Variants in CDK5R1 observed in about 807,000 individuals in gnomAD.
CDK5R1 encodes cyclin-dependent kinase 5 activator 1.
In CDK5R1, 1 loss-of-function variant was observed where a neutral mutation model predicts 19.0. The ratio of observed to expected loss-of-function variants is 0.05; its 90% CI spans 0.02 to 0.25. The LOEUF is 0.25. CDK5R1 is among the 10% of genes least tolerant of loss of function. The pLI is 1.00. For missense variants in CDK5R1, 314 were observed against 401.0 expected, an observed-to-expected ratio of 0.78 and a Z score of 1.85; for synonymous variants, 225 against 187.7, an observed-to-expected ratio of 1.20 and a Z score of -1.62.
chr17:32,489,340 T>C lies in CDK5R1; in HGVS notation c.*796T>C. On this transcript the variant is annotated 3_prime_UTR_variant, in exon 2 of 2. Transcript: ENST00000313401. ...TGAGTTTTTCTTTTGAATAATGTAGTGCAGTCACCCTGTGGCAAATGCCAG... is the reference window on the plus strand; with the variant it reads ...TGAGTTTTTCTTTTGAATAATGTAGCGCAGTCACCCTGTGGCAAATGCCAG... 1 of 466,532 alleles carries C rather than the reference T, an allele frequency of 2.1e-6. No homozygotes were observed. The highest frequency in any genetic ancestry group is 1.6e-5 in the South Asian group (1 of 64,436). 28.9% of individuals were successfully genotyped at this position (466,532 alleles called of 1,614,324 possible). A position where few individuals can be genotyped will look rare whatever the true frequency, so the allele number is the denominator to read the frequency against.
chr17:32,488,156 G>A lies in CDK5R1; in HGVS notation c.536G>A (p.Arg179His). Reference protein sequence around the residue: ...LSPTDPVLWLRSVDRSLLLQG... With the variant: ...LSPTDPVLWLHSVDRSLLLQG... ...CCCACGGACCCCGTGCTCTGGCTGC[G>A]CAGCGTGGACCGCTCGCTGCTTCTG... The change falls in exon 2 of 2, where the codon CGC becomes CAC. Residue 179 changes from arginine (R) to histidine (H), a missense_variant. This residue lies in a region of CDK5R1 where 11 missense variants were observed against 38.8 expected (regional missense o/e 0.28). Coordinates refer to ENST00000313401, the MANE Select transcript of CDK5R1 (RefSeq NM_003885.3). The A allele has an allele frequency of 1.2e-6, 2 of 1,613,708 alleles. No homozygotes were observed. Among genetic ancestry groups the A allele is most frequent in the Non-Finnish European group, 8.5e-7 (1 of 1,180,030 alleles).
At position 32,487,156 on chromosome 17, in the gene CDK5R1, C is replaced by T. The variant is rs1294286122; in HGVS notation, c.-152C>T. ...GGGCGCGGAGCGCAGGAGCTGCCGC[C>T]TGCCGGGTAAGCCTGCGCTGGGCGG... On this transcript the variant is annotated 5_prime_UTR_variant, in exon 1 of 2. Coordinates refer to ENST00000313401, the MANE Select transcript of CDK5R1 (RefSeq NM_003885.3). This position sits in a 1 kb window ranked among gnomAD's most constrained non-coding sequence, Gnocchi z 7.9. 1 of 146,850 alleles carries T rather than the reference C, an allele frequency of 6.8e-6. No individual in the cohort carries two copies. The highest frequency in any genetic ancestry group is 1.5e-5 in the Non-Finnish European group (1 of 66,004). 9.1% of individuals were successfully genotyped at this position (146,850 alleles called of 1,614,324 possible).
In CDK5R1 at chr17:32,487,785, C is replaced by T. The variant is rs373204830; in HGVS notation, c.165C>T (p.Ile55=). 6.2e-7 allele frequency: 1 copy of T among 1,614,132 alleles called. No homozygotes were observed. Among genetic ancestry groups the T allele is most frequent in the Non-Finnish European group, 8.5e-7 (1 of 1,180,012 alleles). The change falls in exon 2 of 2, where the codon ATC becomes ATT. Residue 55 remains isoleucine, a synonymous_variant. Coordinates refer to ENST00000313401, the MANE Select transcript of CDK5R1 (RefSeq NM_003885.3). This position sits in a 1 kb window ranked among gnomAD's most constrained non-coding sequence, Gnocchi z 7.9. ...SIISVLPWKR[I]VAVSAKKKNS... ...TCTCCGTGCTGCCTTGGAAGAGAAT[C>T]GTGGCCGTGTCGGCCAAGAAGAAGA... is the stretch of plus-strand genomic sequence containing the variant.
In CDK5R1 at chr17:32,487,982, G is replaced by T. The variant is rs761412436; in HGVS notation, c.362G>T (p.Gly121Val). 2 of 1,613,156 alleles carry T rather than the reference G, an allele frequency of 1.2e-6. No homozygotes were observed. The highest frequency in any genetic ancestry group is 2.2e-5 in the East Asian group (1 of 44,880). ...CAGCTCTCGGGTTCCCAGACCGGGG[G>T]CTCCTCCTCAGTCAAGAAAGCCCCT... ...ASQLSGSQTG[G>V]SSSVKKAPHP... The change falls in exon 2 of 2, where the codon GGC becomes GTC. Residue 121 changes from glycine to valine, a missense_variant. Around this residue, in one of 3 missense-constraint regions of CDK5R1, gnomAD observed 197 missense variants for 230.2 expected, o/e 0.86. Transcript: ENST00000313401. This position sits in a 1 kb window ranked among gnomAD's most constrained non-coding sequence, Gnocchi z 7.9.
At position 32,487,611 on chromosome 17, in the gene CDK5R1, C is replaced by A; in HGVS notation, c.-10C>A. 6.2e-7 allele frequency: 1 copy of A among 1,607,904 alleles called. No individual in the cohort carries two copies. Among genetic ancestry groups the A allele is most frequent in the South Asian group, 1.1e-5 (1 of 90,730 alleles). Reference sequence around the variant, plus strand: ...GGGGCGCGAGCCCCCGCCCGGCGCGCAGCAGCACCATGGGCACGGTGCTGT... The same window carrying A: ...GGGGCGCGAGCCCCCGCCCGGCGCGAAGCAGCACCATGGGCACGGTGCTGT... On this transcript the variant is annotated 5_prime_UTR_variant, in exon 2 of 2. Coordinates refer to ENST00000313401, the MANE Select transcript of CDK5R1 (RefSeq NM_003885.3). The surrounding 1 kb of genome is among the most constrained non-coding windows in gnomAD (Gnocchi z 7.9).
At position 32,488,352 on chromosome 17, in the gene CDK5R1, G is replaced by T. The variant is rs745590491; in HGVS notation, c.732G>T (p.Pro244=). The T allele has an allele frequency of 6.2e-7, 1 of 1,614,046 alleles. No homozygotes were observed. Among genetic ancestry groups the T allele is most frequent in the Non-Finnish European group, 8.5e-7 (1 of 1,180,006 alleles). Residue 244 remains proline, a synonymous_variant, in exon 2 of 2, where the codon CCG becomes CCT. Transcript: ENST00000313401. ...ACATGGGCAACGAGATCTCCTACCC[G>T]CTCAAGCCCTTCCTGGTGGAGAGCT... ...YSYMGNEISY[P]LKPFLVESCK...
In CDK5R1 at chr17:32,487,932, C is replaced by T; in HGVS notation, c.312C>T (p.Ala104=). The change falls in exon 2 of 2, where the codon GCC becomes GCT. Residue 104 remains alanine (A), a synonymous_variant. Coordinates refer to ENST00000313401, the MANE Select transcript of CDK5R1 (RefSeq NM_003885.3). This position sits in a 1 kb window ranked among gnomAD's most constrained non-coding sequence, Gnocchi z 7.9. ...CCACATTCGCCCAGCCCCCACCGGC[C>T]CAGCCGCCTGCACCCCCGGCCAGCC... The part of the protein sequence containing the change: ...NLSTFAQPPP[A]QPPAPPASQL... The T allele has an allele frequency of 1.2e-6, 2 of 1,613,542 alleles. No individual in the cohort carries two copies. Among genetic ancestry groups the T allele is most frequent in the South Asian group, 1.1e-5 (1 of 91,088 alleles).
In CDK5R1 at chr17:32,488,011, C is replaced by T; in HGVS notation, c.391C>T (p.Pro131Ser). The change falls in exon 2 of 2, where the codon CCT (proline) becomes TCT (serine). Residue 131 changes from proline to serine, a missense_variant. This residue lies in a region of CDK5R1 where 197 missense variants were observed against 230.2 expected (regional missense o/e 0.86). Transcript: ENST00000313401. ...CTCCTCAGTCAAGAAAGCCCCTCACCCTGCCGTCACCTCCGCAGGGACGCC... is the reference window on the plus strand; with the variant it reads ...CTCCTCAGTCAAGAAAGCCCCTCACTCTGCCGTCACCTCCGCAGGGACGCC... ...GSSSVKKAPH[P>S]AVTSAGTPKR... 1 of 1,613,100 alleles carries T rather than the reference C, an allele frequency of 6.2e-7. No individual in the cohort carries two copies. The highest frequency in any genetic ancestry group is 8.5e-7 in the Non-Finnish European group (1 of 1,179,754).
At position 32,487,828 on chromosome 17, in the gene CDK5R1, C is replaced by G; in HGVS notation, c.208C>G (p.Pro70Ala). The G allele has an allele frequency of 6.2e-7, 1 of 1,614,130 alleles. No individual in the cohort carries two copies. The highest frequency in any genetic ancestry group is 8.5e-7 in the Non-Finnish European group (1 of 1,180,018). ...AKKKNSKKVQ[P>A]NSSYQNNITH... ...GAAGAAGAACTCCAAGAAGGTGCAG[C>G]CCAACAGCAGCTACCAGAACAACAT... Residue 70 changes from proline (P) to alanine (A), a missense_variant, in exon 2 of 2, where the codon CCC becomes GCC. Coordinates refer to ENST00000313401, the MANE Select transcript of CDK5R1 (RefSeq NM_003885.3). The surrounding 1 kb of genome is among the most constrained non-coding windows in gnomAD (Gnocchi z 7.9).
chr17:32,487,359 G>C lies in CDK5R1; in HGVS notation c.-145-117G>C, dbSNP rs887473162. The C allele has an allele frequency of 5.9e-6, 1 of 169,670 alleles. No individual in the cohort carries two copies. The highest frequency in any genetic ancestry group is 1.2e-5 in the Non-Finnish European group (1 of 80,370). The allele number at this position is 169,670 out of a possible 1,614,324, so 10.5% of individuals were successfully genotyped here. A position where few individuals can be genotyped will look rare whatever the true frequency, so the allele number is the denominator to read the frequency against. Reference sequence around the variant, plus strand: ...CGGCGAGGCTGCGTCGCGGGGGCGCGGGTAGGGCCCGGGACTGGGGCGGCG... The same window carrying C: ...CGGCGAGGCTGCGTCGCGGGGGCGCCGGTAGGGCCCGGGACTGGGGCGGCG... On this transcript the variant is annotated intron_variant, in intron 1 of 1. Coordinates refer to ENST00000313401, the MANE Select transcript of CDK5R1 (RefSeq NM_003885.3). This position sits in a 1 kb window ranked among gnomAD's most constrained non-coding sequence, Gnocchi z 7.9.
rs1293516838 is a variant in CDK5R1, at chr17:32,489,527, C to G, written c.*983C>G. 4.2e-6 allele frequency: 1 copy of G among 236,796 alleles called. No homozygotes were observed. Among genetic ancestry groups the G allele is most frequent in the Non-Finnish European group, 9.3e-6 (1 of 108,004 alleles). 14.7% of individuals were successfully genotyped at this position (236,796 alleles called of 1,614,324 possible). A position where few individuals can be genotyped will look rare whatever the true frequency, so the allele number is the denominator to read the frequency against. On this transcript the variant is annotated 3_prime_UTR_variant, in exon 2 of 2. Transcript: ENST00000313401. ...GGGGAAGGCGATGTGGTGACCCCACCCCCACCCGTTAATTTAAAGCTGTTT... is the reference window on the plus strand; with the variant it reads ...GGGGAAGGCGATGTGGTGACCCCACGCCCACCCGTTAATTTAAAGCTGTTT...
At position 32,490,583 on chromosome 17, in the gene CDK5R1, T is replaced by G. The variant is rs753532483; in HGVS notation, c.*2039T>G. 1 of 167,120 alleles carries G rather than the reference T, an allele frequency of 6.0e-6. No individual in the cohort carries two copies. Among genetic ancestry groups the G allele is most frequent in the Non-Finnish European group, 1.5e-5 (1 of 68,130 alleles). The allele number at this position is 167,120 out of a possible 1,614,324, so 10.4% of individuals were successfully genotyped here. A position where few individuals can be genotyped will look rare whatever the true frequency, so the allele number is the denominator to read the frequency against. On this transcript the variant is annotated 3_prime_UTR_variant, in exon 2 of 2. Transcript: ENST00000313401. ...TCTCCCCTTGCACTGGTCATCAGTATTGTGTAAAGGAACAACTGATATACT... is the reference window on the plus strand; with the variant it reads ...TCTCCCCTTGCACTGGTCATCAGTAGTGTGTAAAGGAACAACTGATATACT...
In CDK5R1 at chr17:32,490,416, C is replaced by G. The variant is rs540217744; in HGVS notation, c.*1872C>G. On this transcript the variant is annotated 3_prime_UTR_variant, in exon 2 of 2. Coordinates refer to ENST00000313401, the MANE Select transcript of CDK5R1 (RefSeq NM_003885.3). ...GCGAACTGTGCAGTTACGTTGCATC[C>G]ACAGGATTCCAGTTGCGTGTCTGTT... The G allele has an allele frequency of 3.0e-5, 5 of 167,288 alleles. No homozygotes were observed. The East Asian group carries it at 9.6e-4, about 32-fold the overall frequency. 10.4% of individuals were successfully genotyped at this position (167,288 alleles called of 1,614,324 possible). A position where few individuals can be genotyped will look rare whatever the true frequency, so the allele number is the denominator to read the frequency against.
rs1430566466 is a variant in CDK5R1, at chr17:32,488,958, T to C, written c.*414T>C. The C allele has an allele frequency of 2.7e-6, 1 of 371,712 alleles. No individual in the cohort carries two copies. Among genetic ancestry groups the C allele is most frequent in the Non-Finnish European group, 5.5e-6 (1 of 182,370 alleles). 23.0% of individuals were successfully genotyped at this position (371,712 alleles called of 1,614,324 possible). On this transcript the variant is annotated 3_prime_UTR_variant, in exon 2 of 2. Transcript: ENST00000313401. ...TTTTCTGGCTCCTGTGTGGAGTTATTCACTCTCCCAGAGGCTCCTGGAGCC... is the reference window on the plus strand; with the variant it reads ...TTTTCTGGCTCCTGTGTGGAGTTATCCACTCTCCCAGAGGCTCCTGGAGCC...
chr17:32,488,133 C>T lies in CDK5R1; in HGVS notation c.513C>T (p.Pro171=), dbSNP rs1411379389. The T allele has an allele frequency of 1.2e-6, 2 of 1,613,390 alleles. No individual in the cohort carries two copies. Among genetic ancestry groups the T allele is most frequent in the African/African-American group, 1.3e-5 (1 of 74,946 alleles). The change falls in exon 2 of 2, where the codon CCC becomes CCT. Residue 171 remains proline (P), a synonymous_variant. Transcript: ENST00000313401. ...GCTACCGCCTGAAGCACCTGTCCCC[C>T]ACGGACCCCGTGCTCTGGCTGCGCA... is the stretch of plus-strand genomic sequence containing the variant. The part of the protein sequence containing the change: ...RRCYRLKHLS[P]TDPVLWLRSV...
At position 32,488,526 on chromosome 17, in the gene CDK5R1, C is replaced by T; in HGVS notation, c.906C>T (p.Leu302=). The T allele has an allele frequency of 6.2e-7, 1 of 1,614,192 alleles. No homozygotes were observed. The highest frequency in any genetic ancestry group is 8.5e-7 in the Non-Finnish European group (1 of 1,180,040). Residue 302 remains leucine (L), a synonymous_variant, in exon 2 of 2, where the codon CTC becomes CTT. Transcript: ENST00000313401. The part of the protein sequence containing the change: ...ESGQEDKKRL[L]LGLDR ...GCCAGGAGGACAAGAAGCGGCTCCT[C>T]CTAGGCCTGGATCGGTGAGCACTGT...
rs1189563171 is a variant in CDK5R1 at position 32,490,808 on chromosome 17, C to G, written c.*2264C>G. The G allele has an allele frequency of 1.8e-5, 3 of 167,020 alleles. No individual in the cohort carries two copies. The highest frequency in any genetic ancestry group is 7.2e-5 in the African/African-American group (3 of 41,444). 10.3% of individuals were successfully genotyped at this position (167,020 alleles called of 1,614,324 possible). A position where few individuals can be genotyped will look rare whatever the true frequency, so the allele number is the denominator to read the frequency against. On this transcript the variant is annotated 3_prime_UTR_variant, in exon 2 of 2. Coordinates refer to ENST00000313401, the MANE Select transcript of CDK5R1 (RefSeq NM_003885.3). ...TGGCTGTGAAAATTACACCCATGCA[C>G]AGAACAAGCCACAGGAATAATAGTT...
chr17:32,487,858 C>A lies in CDK5R1; in HGVS notation c.238C>A (p.His80Asn), dbSNP rs756578742. The change falls in exon 2 of 2, where the codon CAC becomes AAC. Residue 80 changes from histidine to asparagine, a missense_variant. His to Asn is a moderately conservative substitution (Grantham distance 68). Transcript: ENST00000313401. The surrounding 1 kb of genome is among the most constrained non-coding windows in gnomAD (Gnocchi z 7.9). ...CAGCAGCTACCAGAACAACATCACG[C>A]ACCTCAACAATGAGAACCTGAAGAA... ...PNSSYQNNIT[H>N]LNNENLKKSL... 1.1e-5 allele frequency: 17 copies of A among 1,613,970 alleles called. No homozygotes were observed. Among genetic ancestry groups the A allele is most frequent in the Non-Finnish European group, 1.4e-5 (17 of 1,180,034 alleles).
chr17:32,487,393 C>T lies in CDK5R1; in HGVS notation c.-145-83C>T. 3.5e-6 allele frequency: 1 copy of T among 283,490 alleles called. No individual in the cohort carries two copies. Among genetic ancestry groups the T allele is most frequent in the Non-Finnish European group, 6.5e-6 (1 of 154,864 alleles). The allele number at this position is 283,490 out of a possible 1,614,324, so 17.6% of individuals were successfully genotyped here. A position where few individuals can be genotyped will look rare whatever the true frequency, so the allele number is the denominator to read the frequency against. On this transcript the variant is annotated intron_variant, in intron 1 of 1. Transcript: ENST00000313401. This position sits in a 1 kb window ranked among gnomAD's most constrained non-coding sequence, Gnocchi z 7.9. The stretch of plus-strand genomic sequence containing the variant: ...CCGGGACTGGGGCGGCGGGGTGCGC[C>T]GAGGCGCGGGGCGGAGGGGCGCAGG...
Sources: gnomAD v4.1 joint callset for allele counts on GRCh38, gnomAD v4.1.1 for gene constraint, gnomAD v4.1.1 regional missense constraint, Gnocchi (gnomAD v3.1) non-coding constraint, MANE v1.5 for transcripts, NCBI Gene and HGNC (gene_info 2026-07-23, HGNC 2026-07-21) for gene names.